CEP350: variants seen among roughly 807,000 people sequenced by gnomAD.
CEP350 encodes the protein centrosome-associated protein 350.
A neutral mutation model predicts 331.8 loss-of-function variants in CEP350; 126 were observed. That is an observed-to-expected ratio of 0.38 (90% CI 0.33 to 0.44). CEP350 has a LOEUF of 0.44. Ranked by LOEUF, CEP350 falls within the 20% of genes least tolerant of loss-of-function variation. CEP350 has a pLI of 1.00. For missense variants in CEP350, 3,406 were observed against 3,634.6 expected (o/e 0.94, Z 1.62); for synonymous variants, 1,200 against 1,259.5 (o/e 0.95, Z 1.00).
chr1:179,990,425 C>G (rs1652972353), intron 3 of CEP350, 82 bp from the exon 4 acceptor site: 1 of 639,146 alleles, frequency 1.6e-6, no homozygotes, highest in Non-Finnish European at 2.6e-6. Flanking sequence ...GGGCAATATA[C>G]TTTTAAATAA....
At chr1:179,988,871 A>G (rs1017048401) in intron 3 of CEP350, among the ~76,000 whole-genome samples, 1 of 152,108 alleles carries the variant, frequency 6.6e-6, no homozygotes, top group African/African-American at 2.4e-5. Context: ...ATGCAGAGTC[A>G]TATTTTGGCC....
At chr1:180,105,309 G>C (rs1572009685) in intron 37 of CEP350, among the ~76,000 whole-genome samples, 1 of 151,988 alleles carries the variant, frequency 6.6e-6, no homozygotes, top group East Asian at 1.9e-4. Flanking sequence ...TCCGCCCACG[G>C]ACCTCTTCTT....
At chr1:180,055,013 C>G (rs1432224898) in intron 25 of CEP350, among the ~76,000 whole-genome samples, 2 of 152,174 alleles carry the variant, frequency 1.3e-5, no homozygotes, top group African/African-American at 4.8e-5. Flanking sequence ...TTACCAGTTG[C>G]TGGTTTCATA....
At chr1:180,066,585 C>G (rs905642386) in intron 27 of CEP350, among the ~76,000 whole-genome samples, 2 of 151,990 alleles carry the variant, frequency 1.3e-5, no homozygotes, top group Non-Finnish European at 2.9e-5. Context: ...TTAAAAATAC[C>G]TAAATTGATT....
intron 5 of CEP350, among the ~76,000 whole-genome samples, chr1:179,994,429 C>A (rs186323047): frequency 1.5e-4 from 23 of 149,312 alleles, no homozygotes; most frequent in Admixed American, 1.5e-3. Flanking sequence ...CTATCTCTTT[C>A]TTTTTTCTTT....
At chr1:180,085,297 G>A (rs1413232223) in intron 31 of CEP350, among the ~76,000 whole-genome samples, 1 of 152,170 alleles carries the variant, frequency 6.6e-6, no homozygotes, top group African/African-American at 2.4e-5. Context: ...CTGGGAACCT[G>A]ATTTTGATGT....
intron 32 of CEP350, among the ~76,000 whole-genome samples, chr1:180,088,991 T>G (rs551514827): frequency 6.6e-6 from 1 of 152,304 alleles, no homozygotes; most frequent in East Asian, 1.9e-4. Context: ...TGCTCAGATT[T>G]TGTGTGTGTG....
intron 25 of CEP350, among the ~76,000 whole-genome samples, chr1:180,059,265 C>G (rs1213774835): frequency 1.3e-5 from 2 of 152,160 alleles, no homozygotes; most frequent in Admixed American, 6.5e-5. Flanking sequence ...AAACTATTTT[C>G]TTAATGATAC....
chr1:180,029,789 A>C (rs1655895884), intron 14 of CEP350, among the ~76,000 whole-genome samples: 1 of 152,142 alleles, frequency 6.6e-6, no homozygotes. Flanking sequence ...TCATCATCCC[A>C]AACTAAAATC....
At chr1:180,107,384 G>A (rs1289410329) in intron 37 of CEP350, among the ~76,000 whole-genome samples, 1 of 152,176 alleles carries the variant, frequency 6.6e-6, no homozygotes, top group Non-Finnish European at 1.5e-5. Flanking sequence ...TCAAAAAAGT[G>A]TAAATTAGCC....
In CEP350 at chr1:180,020,709, A is replaced by G; in HGVS notation, c.2935A>G (p.Ile979Val). ...AGCCAAAATATCTCTTGGTTCCAGCATAGATTCAGTCAGTGAAGGGCCTCT... is the reference window on the plus strand; with the variant it reads ...AGCCAAAATATCTCTTGGTTCCAGCGTAGATTCAGTCAGTGAAGGGCCTCT... ...DKAKISLGSS[I>V]DSVSEGPLLS... The change falls in exon 12 of 38, where the codon ATA becomes GTA. Residue 979 changes from isoleucine to valine, a missense_variant. By Grantham distance (29) the Ile-to-Val change is conservative. Coordinates refer to ENST00000367607, the MANE Select transcript of CEP350 (RefSeq NM_014810.5). 1 of 1,614,068 alleles carries G rather than the reference A, an allele frequency of 6.2e-7. No individual in the cohort carries two copies.
At chr1:180,094,762 C>A in intron 34 of CEP350, 146 bp downstream of exon 34, 1 of 905,858 alleles carries the variant, frequency 1.1e-6, no homozygotes, top group Non-Finnish European at 1.6e-6. Flanking sequence ...AGAAGGATCA[C>A]TGTACTGGTT....
rs745309125 is a variant in CEP350, at chr1:180,093,106, C to T, written c.7001C>T (p.Ser2334Leu). Residue 2334 changes from serine (S) to leucine (L), a missense_variant, in exon 34 of 38, where the codon TCA becomes TTA. Coordinates refer to ENST00000367607, the MANE Select transcript of CEP350 (RefSeq NM_014810.5). Reference protein sequence around the residue: ...KSEEMLKERQSDQDMNHSPNI... With the variant: ...KSEEMLKERQLDQDMNHSPNI... ...GAGGAAATGTTGAAAGAGAGACAGT[C>T]AGATCAAGATATGAATCATAGTCCA... The T allele has an allele frequency of 6.2e-7, 1 of 1,602,868 alleles. No homozygotes were observed.
rs1659376102 is a variant in CEP350 at position 180,078,596 on chromosome 1, G to A, written c.5901G>A (p.Gly1967=). 4 of 1,613,146 alleles carry A rather than the reference G, an allele frequency of 2.5e-6. No homozygotes were observed. The highest frequency in any genetic ancestry group is 2.7e-5 in the African/African-American group (2 of 74,878). The change falls in exon 29 of 38, where the codon GGG becomes GGA. Residue 1967 remains glycine, a synonymous_variant. Coordinates refer to ENST00000367607, the MANE Select transcript of CEP350 (RefSeq NM_014810.5). ...PSESIGQEQP[G]SPDHSILTEE... Reference sequence around the variant, plus strand: ...AGTCTATAGGACAGGAGCAGCCAGGGAGTCCAGATCACAGTATACTTACTG... The same window carrying A: ...AGTCTATAGGACAGGAGCAGCCAGGAAGTCCAGATCACAGTATACTTACTG...
rs756062212 is a variant in CEP350 at position 180,075,056 on chromosome 1, C to T, written c.5602C>T (p.Arg1868Trp). The T allele has an allele frequency of 4.3e-6, 7 of 1,612,160 alleles. No individual in the cohort carries two copies. Among genetic ancestry groups the T allele is most frequent in the South Asian group, 3.3e-5 (3 of 90,756 alleles). The change falls in exon 28 of 38, where the codon CGG becomes TGG. Residue 1868 changes from arginine (R) to tryptophan (W), a missense_variant. Transcript: ENST00000367607. ...LTKREQKLMQ[R>W]RQHAEELLEW... ...AAAGCGGGAGCAAAAATTAATGCAA[C>T]GGCGACAACATGCAGAGGAGCTCCT...
intron 10 of CEP350, 27 bp downstream of exon 10, chr1:180,014,532 GAGTC>G: frequency 6.5e-7 from 1 of 1,538,838 alleles, no homozygotes; most frequent in Non-Finnish European, 8.7e-7. Flanking sequence ...ATACAAAGGA[GAGTC>G]ATTCATGGTT....
intron 11 of CEP350, among the ~76,000 whole-genome samples, chr1:180,017,188 TAG>T (rs1317718032): frequency 6.6e-6 from 1 of 152,204 alleles, no homozygotes; most frequent in African/African-American, 2.4e-5. Context: ...ACATTAATGA[TAG>T]AGATAGGTTT....
intron 30 of CEP350, among the ~76,000 whole-genome samples, chr1:180,083,295 T>C (rs1353083377): frequency 6.6e-6 from 1 of 152,216 alleles, no homozygotes; most frequent in Non-Finnish European, 1.5e-5. Context: ...AAATAAGCAG[T>C]GTCTTTAAAT....
At chr1:179,966,336 T>C (rs1651011642) in intron 1 of CEP350, among the ~76,000 whole-genome samples, 1 of 152,198 alleles carries the variant, frequency 6.6e-6, no homozygotes. Flanking sequence ...CTTCTTAAAG[T>C]GCAGTGTTCA....
Sources: gnomAD v4.1 joint callset for allele counts (sites outside exome capture counted in the v4.1 genomes callset) on GRCh38, gnomAD v4.1.1 for gene constraint, MANE v1.5 for transcripts, NCBI Gene and HGNC (gene_info 2026-07-23, HGNC 2026-07-21) for gene names.